The following RBFOX1 variants were observed in gnomAD, a reference collection of about 807,000 sequenced individuals.
RBFOX1 encodes the protein RNA binding protein fox-1 homolog 1.
Under a neutral mutation model 57.7 loss-of-function variants are expected in RBFOX1, and 8 were observed. The ratio of observed to expected loss-of-function variants is 0.14; its 90% confidence interval spans 0.08 to 0.25. RBFOX1 has a LOEUF of 0.25. Among genes scored for constraint, RBFOX1 ranks in the 10% least tolerant of loss-of-function variants. The pLI, the probability that RBFOX1 is intolerant of heterozygous loss-of-function variation, is 1.00. For missense variants in RBFOX1, 611 were observed against 548.5 expected (o/e 1.11, Z -1.14); for synonymous variants, 326 against 222.4 (o/e 1.47, Z -4.15).
chr16:7,680,275 G>C (rs371358841), intron 14 of RBFOX1, among the ~76,000 whole-genome samples: 1 of 152,248 alleles, frequency 6.6e-6, no homozygotes, highest in East Asian at 1.9e-4. Flanking sequence ...TGGGAGGTGC[G>C]GAGGGGGTGG....
intron 4 of RBFOX1, among the ~76,000 whole-genome samples, chr16:7,171,351 TAGCTG>T (rs1300147079): frequency 1.3e-5 from 2 of 152,176 alleles, no homozygotes; most frequent in African/African-American, 4.8e-5. Context: ...GGAAAATGCT[TAGCTG>T]AGCACTTGAC....
At chr16:5,619,765 C>T (rs776966229) in intron 3 of RBFOX1, among the ~76,000 whole-genome samples, 3 of 152,144 alleles carry the variant, frequency 2.0e-5, no homozygotes, top group Non-Finnish European at 4.4e-5. Flanking sequence ...CTTCCCTTCT[C>T]TGTACTTGGG....
intron 3 of RBFOX1, among the ~76,000 whole-genome samples, chr16:6,775,099 G>C (rs1441385272): frequency 6.6e-6 from 1 of 151,430 alleles, no homozygotes; most frequent in Non-Finnish European, 1.5e-5. Flanking sequence ...GCCAGGTCTG[G>C]CGGATCACGA....
intron 2 of RBFOX1, among the ~76,000 whole-genome samples, chr16:6,541,360 A>G (rs746738148): frequency 1.2e-4 from 19 of 152,218 alleles, no homozygotes; most frequent in Non-Finnish European, 2.4e-4. Flanking sequence ...GCACTTACCC[A>G]ATGCCAGACA....
intron 1 of RBFOX1, among the ~76,000 whole-genome samples, chr16:5,408,772 A>T (rs2066931130): frequency 6.6e-6 from 1 of 152,190 alleles, no homozygotes; most frequent in Admixed American, 6.5e-5. Flanking sequence ...AGGAGCAGGC[A>T]CTTCCCATGG....
At chr16:6,382,386 C>T (rs192029430) in intron 2 of RBFOX1, among the ~76,000 whole-genome samples, 7 of 152,234 alleles carry the variant, frequency 4.6e-5, no homozygotes, top group African/African-American at 1.2e-4. Context: ...CTTGCTTTCT[C>T]CTGCAGAGTG....
intron 4 of RBFOX1, among the ~76,000 whole-genome samples, chr16:7,157,577 A>C (rs2077412614): frequency 6.6e-6 from 1 of 152,150 alleles, no homozygotes; most frequent in Non-Finnish European, 1.5e-5. Flanking sequence ...AGGCACGTGA[A>C]AATATCCGAA....
intron 11 of RBFOX1, among the ~76,000 whole-genome samples, chr16:7,634,346 C>T (rs1307323699): frequency 3.3e-5 from 5 of 149,546 alleles, no homozygotes; most frequent in African/African-American, 4.9e-5. Context: ...TGTTTTTTTG[C>T]GTTTTTTTCC....
chr16:7,357,111 G>A (rs1204182648), intron 4 of RBFOX1, among the ~76,000 whole-genome samples: 5 of 152,112 alleles, frequency 3.3e-5, no homozygotes, highest in East Asian at 1.9e-4. Flanking sequence ...CATGACCAGA[G>A]ATGGGAGAAG....
rs368096576 is a variant in RBFOX1 at position 5,956,678 on chromosome 16, A to ATATATTTT, written c.351+89344_351+89345insATATTTTT. On this transcript the variant is annotated intron_variant, in intron 4 of 19. Coordinates refer to the RBFOX1 transcript ENST00000641259. ...TATATTTATATATATATATATATAT[A>ATATATTTT]TTTTTTTTGAGGCACAGTCTCATCC... Among the ~76,000 whole-genome samples, 308 of 116,468 alleles carry ATATATTTT rather than the reference A, an allele frequency of 2.6e-3. 1 individual carries two copies. The highest frequency in any genetic ancestry group is 4.6e-3 in the Middle Eastern group (1 of 216). 76.4% of individuals were successfully genotyped at this position (116,468 alleles called of 152,430 possible). A position where few individuals can be genotyped will look rare whatever the true frequency, so the allele number is the denominator to read the frequency against.
At chr16:7,519,146 G>T (rs1344030376) in intron 5 of RBFOX1, among the ~76,000 whole-genome samples, 2 of 152,200 alleles carry the variant, frequency 1.3e-5, no homozygotes, top group Non-Finnish European at 2.9e-5. Flanking sequence ...ATTGCCGGAT[G>T]CATCTAATTT....
chr16:6,698,420 C>T lies in RBFOX1; in HGVS notation c.-16+43770C>T, dbSNP rs189624086. 7.9e-5 allele frequency among the ~76,000 whole-genome samples: 12 copies of T among 152,248 alleles called. No homozygotes were observed. The East Asian group carries it at 1.7e-3, about 22-fold the overall frequency. ...AAAAACTAGAGATTCTTAAGTAAGA[C>T]CATTCTTGTGAAGTTCTCCTGTGGC... On this transcript the variant is annotated intron_variant, in intron 3 of 15. Coordinates refer to ENST00000550418, the MANE Select transcript of RBFOX1 (RefSeq NM_018723.4).
intron 2 of RBFOX1, among the ~76,000 whole-genome samples, chr16:6,511,132 G>T (rs1358856642): frequency 6.6e-6 from 1 of 152,192 alleles, no homozygotes; most frequent in Non-Finnish European, 1.5e-5. Context: ...ATAAAGCCCA[G>T]TGTGCCTCCT....
chr16:6,423,238 C>G lies in RBFOX1; in HGVS notation c.-64+106181C>G, dbSNP rs1376894493. ...GTATCTGACCAACATTTTGTTCGGC[C>G]TTCCGCAAGCTGCAGAGAAACTTTT... is the stretch of plus-strand genomic sequence containing the variant. On this transcript the variant is annotated intron_variant, in intron 2 of 15. Transcript: ENST00000550418. Among the ~76,000 whole-genome samples the G allele has an allele frequency of 5.9e-5, 9 of 152,294 alleles. No homozygotes were observed. In the East Asian group the frequency reaches 1.7e-3, roughly 29 times the overall value.
intron 2 of RBFOX1, among the ~76,000 whole-genome samples, chr16:6,415,530 A>G (rs188060037): frequency 6.6e-6 from 1 of 150,958 alleles, no homozygotes; most frequent in Non-Finnish European, 1.5e-5. Flanking sequence ...ATGAAATGCC[A>G]TCTCTACTAA....
intron 2 of RBFOX1, among the ~76,000 whole-genome samples, chr16:6,510,687 A>C (rs1335770271): frequency 6.6e-6 from 1 of 152,128 alleles, no homozygotes; most frequent in Non-Finnish European, 1.5e-5. Flanking sequence ...TCTACTGGGC[A>C]ATGAAGTTTA....
At chr16:7,289,503 A>C (rs774684709) in intron 4 of RBFOX1, among the ~76,000 whole-genome samples, 2 of 152,094 alleles carry the variant, frequency 1.3e-5, no homozygotes, top group Non-Finnish European at 2.9e-5. Context: ...TCGTTATTAC[A>C]GTCACCTTCA....
At chr16:5,893,262 A>T (rs749596044) in intron 4 of RBFOX1, among the ~76,000 whole-genome samples, 1 of 152,222 alleles carries the variant, frequency 6.6e-6, no homozygotes, top group Non-Finnish European at 1.5e-5. Flanking sequence ...AGTATTTTAC[A>T]AGTAAATACG....
chr16:6,527,634 C>A (rs78630705), intron 2 of RBFOX1, among the ~76,000 whole-genome samples: 2,333 of 152,208 alleles, frequency 0.015, 70 homozygotes, highest in African/African-American at 0.053. Context: ...ACCCCCTTAT[C>A]TTGAGGACTG....
Sources: allele counts gnomAD v4.1 joint callset (sites outside exome capture counted in the v4.1 genomes callset), GRCh38; gene constraint gnomAD v4.1.1; transcripts MANE v1.5; gene names NCBI Gene and HGNC (gene_info 2026-07-23, HGNC 2026-07-21).